Variants in UGT1A7 observed in about 807,000 individuals in gnomAD.
The protein encoded by UGT1A7 is UDP-glucuronosyltransferase 1A7.
UGT1A7 carries 33 observed loss-of-function variants against 45.6 expected under a neutral mutation model. That is an observed-to-expected ratio of 0.72 (90% CI 0.55 to 0.97). UGT1A7 has a LOEUF of 0.97. Among genes scored for constraint, UGT1A7 ranks in the 50% least tolerant of loss-of-function variants. The probability of loss-of-function intolerance (pLI) is 0.00; values close to 1 mark genes in which losing one functional copy is unlikely to be tolerated. For missense variants in UGT1A7, 684 were observed against 666.2 expected (o/e 1.03, Z -0.29); for synonymous variants, 274 against 250.6 (o/e 1.09, Z -0.88).
intron 1 of UGT1A7, among the ~76,000 whole-genome samples, chr2:233,709,910 C>T (rs1575491918): frequency 6.6e-6 from 1 of 152,188 alleles, no homozygotes; most frequent in Non-Finnish European, 1.5e-5. Context: ...TCACCTAATA[C>T]CTCCCCTCAC....
At chr2:233,755,462 T>C (rs1695929337) in intron 1 of UGT1A7, 1 of 276,566 alleles carries the variant, frequency 3.6e-6, no homozygotes, top group Non-Finnish European at 7.1e-6. Flanking sequence ...CTGGCCCTGC[T>C]CTCTGTGAGG....
At chr2:233,767,764 C>A (rs1699474752) in intron 2 of UGT1A7, 85 bp from the exon 3 acceptor site, 1 of 1,608,290 alleles carries the variant, frequency 6.2e-7, no homozygotes, top group East Asian at 2.2e-5. Flanking sequence ...TTCAGAGGAC[C>A]CCTGTTTTCT....
At chr2:233,767,784 A>T in intron 2 of UGT1A7, 65 bp from the exon 3 acceptor site, 1 of 1,613,694 alleles carries the variant, frequency 6.2e-7, no homozygotes. Context: ...TAGTTAGTAT[A>T]GCAGATTTGT....
intron 1 of UGT1A7, among the ~76,000 whole-genome samples, chr2:233,710,371 A>G (rs1323187790): frequency 6.6e-6 from 1 of 152,256 alleles, no homozygotes; most frequent in Non-Finnish European, 1.5e-5. Context: ...ACAATTTTAC[A>G]TTCCTAACAG....
At chr2:233,726,524 T>C (rs1232953438) in intron 1 of UGT1A7, among the ~76,000 whole-genome samples, 1 of 152,258 alleles carries the variant, frequency 6.6e-6, no homozygotes, top group East Asian at 1.9e-4. Flanking sequence ...TTTTCCACTT[T>C]TAGGGAGATG....
intron 1 of UGT1A7, chr2:233,718,769 G>C: frequency 1.2e-6 from 2 of 1,612,822 alleles, no homozygotes; most frequent in African/African-American, 1.3e-5. Context: ...GGAAACAAAT[G>C]TAGCAGGCAC....
chr2:233,694,661 G>T (rs1365706978), intron 1 of UGT1A7, among the ~76,000 whole-genome samples: 2 of 152,122 alleles, frequency 1.3e-5, no homozygotes, highest in African/African-American at 4.8e-5. Context: ...TTTTATCAGA[G>T]AGAAAGCCTC....
At chr2:233,719,608 T>C in intron 1 of UGT1A7, 1 of 1,614,074 alleles carries the variant, frequency 6.2e-7, no homozygotes, top group Non-Finnish European at 8.5e-7. Context: ...GACTTTGTGA[T>C]GGACTACCCC....
At chr2:233,702,908 A>G (rs1242478839) in intron 1 of UGT1A7, among the ~76,000 whole-genome samples, 5 of 152,174 alleles carry the variant, frequency 3.3e-5, no homozygotes, top group Non-Finnish European at 7.4e-5. Flanking sequence ...AGATATTGGA[A>G]GTCTTATTTT....
Position 233,768,300 on chromosome 2 carries a change from G to C in UGT1A7, c.1156G>C (p.Val386Leu), listed in dbSNP as rs1365887380. Residue 386 changes from valine (V) to leucine (L), a missense_variant, in exon 4 of 5, where the codon GTG becomes CTG. Coordinates refer to ENST00000373426, the MANE Select transcript of UGT1A7 (RefSeq NM_019077.3). Reference protein sequence around the residue: ...YESICNGVPMVMMPLFGDQMD... With the variant: ...YESICNGVPMLMMPLFGDQMD... ...AAGCATATGCAATGGCGTTCCCATG[G>C]TGATGATGCCCTTGTTTGGTGATCA... 1 of 1,614,196 alleles carries C rather than the reference G, an allele frequency of 6.2e-7. No homozygotes were observed. Among genetic ancestry groups the C allele is most frequent in the Admixed American group, 1.7e-5 (1 of 60,014 alleles).
At chr2:233,737,640 G>A (rs1245829598) in intron 1 of UGT1A7, among the ~76,000 whole-genome samples, 6 of 152,138 alleles carry the variant, frequency 3.9e-5, no homozygotes, top group African/African-American at 7.2e-5. Context: ...CTTCTGCGTC[G>A]ATCATGCTGG....
intron 1 of UGT1A7, among the ~76,000 whole-genome samples, chr2:233,758,923 C>T (rs1697018666): frequency 6.6e-6 from 1 of 152,192 alleles, no homozygotes; most frequent in Non-Finnish European, 1.5e-5. Context: ...TCATCTTTCC[C>T]TTTTGACTTC....
chr2:233,718,616 CG>C, intron 1 of UGT1A7: 22 of 858,724 alleles, frequency 2.6e-5, no homozygotes, highest in Non-Finnish European at 2.9e-5. Flanking sequence ...TCAAGATAGG[CG>C]TGATTGGTCT....
intron 1 of UGT1A7, chr2:233,761,219 T>C: frequency 6.2e-7 from 1 of 1,613,544 alleles, no homozygotes; most frequent in South Asian, 1.1e-5. Flanking sequence ...ATCGATTAAC[T>C]AGCCCCAGAT....
intron 1 of UGT1A7, among the ~76,000 whole-genome samples, chr2:233,757,565 T>C (rs1696654647): frequency 7.0e-6 from 1 of 141,992 alleles, no homozygotes; most frequent in African/African-American, 2.7e-5. Flanking sequence ...TATATATGTA[T>C]ATATGATATA....
At chr2:233,731,193 A>G (rs750244105) in intron 1 of UGT1A7, among the ~76,000 whole-genome samples, 7 of 152,062 alleles carry the variant, frequency 4.6e-5, no homozygotes, top group East Asian at 1.9e-4. Flanking sequence ...TAATTATTCA[A>G]TTATAAAATA....
intron 1 of UGT1A7, chr2:233,739,155 A>C (rs182453819): frequency 1.1e-4 from 17 of 152,364 alleles, no homozygotes; most frequent in Admixed American, 3.9e-4. Flanking sequence ...CCTCCACATA[A>C]ATTTTAGAGG....
chr2:233,702,774 C>T (rs908895001), intron 1 of UGT1A7, among the ~76,000 whole-genome samples: 2 of 152,132 alleles, frequency 1.3e-5, no homozygotes, highest in East Asian at 3.8e-4. Context: ...AATTGATTTG[C>T]AGGTGTAAAC....
intron 1 of UGT1A7, among the ~76,000 whole-genome samples, chr2:233,758,385 T>A (rs1230615266): frequency 6.6e-6 from 1 of 152,262 alleles, no homozygotes; most frequent in Non-Finnish European, 1.5e-5. Context: ...TGGTGACTTA[T>A]GTGTTTATAG....
Sources: gnomAD v4.1 joint callset for allele counts (sites outside exome capture counted in the v4.1 genomes callset) on GRCh38, gnomAD v4.1.1 for gene constraint, MANE v1.5 for transcripts, NCBI Gene and HGNC (gene_info 2026-07-23, HGNC 2026-07-21) for gene names.